The following STX8 variants were observed in gnomAD, a reference collection of about 807,000 sequenced individuals.
STX8 encodes syntaxin 8, also known as syntaxin-8.
STX8 carries 23 observed loss-of-function variants against 37.5 expected under a neutral mutation model. The observed-to-expected ratio is 0.61, with a 90% CI of 0.44 to 0.87. The LOEUF (loss-of-function observed/expected upper bound fraction) is 0.87. Ranked by LOEUF, STX8 falls within the 40% of genes least tolerant of loss-of-function variation. The pLI is 0.00. For missense variants in STX8, 313 were observed against 284.7 expected, an observed-to-expected ratio of 1.10 and a Z score of -0.71; for synonymous variants, 115 against 99.1, an observed-to-expected ratio of 1.16 and a Z score of -0.95.
At position 9,402,031 on chromosome 17, in the gene STX8, G is replaced by A. The variant is rs1044904155; in HGVS notation, c.542-23378C>T. 2.0e-5 allele frequency among the ~76,000 whole-genome samples: 3 copies of A among 152,226 alleles called. No individual in the cohort carries two copies. In the East Asian group the frequency reaches 5.8e-4, roughly 29 times the overall value. ...GGGATTTACAGGCAGGTCTCTTAGA[G>A]CCACAGTTGGCCCATGTATCTTTGA... On this transcript the variant is annotated intron_variant, in intron 6 of 7. Coordinates refer to ENST00000306357, the MANE Select transcript of STX8 (RefSeq NM_004853.3).
At chr17:9,405,419 TC>T (rs904144394) in intron 6 of STX8, among the ~76,000 whole-genome samples, 5 of 152,158 alleles carry the variant, frequency 3.3e-5, no homozygotes, top group Non-Finnish European at 7.4e-5. Context: ...GGTAAGGTAC[TC>T]CCTGACTTCA....
chr17:9,542,663 C>T (rs1466559355), intron 4 of STX8, among the ~76,000 whole-genome samples: 4 of 151,538 alleles, frequency 2.6e-5, no homozygotes, highest in African/African-American at 9.7e-5. Context: ...GGCGACAGAG[C>T]AAGACTCCAT....
At position 9,500,864 on chromosome 17, in the gene STX8, G is replaced by A. The variant is rs144931597; in HGVS notation, c.448+4174C>T. Among the ~76,000 whole-genome samples, 1,085 of 152,154 alleles carry A rather than the reference G, an allele frequency of 7.1e-3. 5 individuals carry two copies. The highest frequency in any genetic ancestry group is 0.011 in the Non-Finnish European group (765 of 67,990). On this transcript the variant is annotated intron_variant, in intron 5 of 7. Coordinates refer to ENST00000306357, the MANE Select transcript of STX8 (RefSeq NM_004853.3). ...TAAAAAAATACAAAAAATTAGCCGC[G>A]CGTGGTGGCGGGCACCTGTAGTCCC...
At chr17:9,431,802 G>A (rs1030201023) in intron 6 of STX8, among the ~76,000 whole-genome samples, 3 of 152,208 alleles carry the variant, frequency 2.0e-5, no homozygotes, top group African/African-American at 7.2e-5. Context: ...GTGCTGTACT[G>A]TCTCCAAATA....
intron 1 of STX8, among the ~76,000 whole-genome samples, chr17:9,574,162 T>C (rs965836664): frequency 3.3e-5 from 5 of 151,254 alleles, no homozygotes; most frequent in Non-Finnish European, 7.4e-5. Flanking sequence ...TCCCAGCTAC[T>C]CCAGAGGCTG....
intron 6 of STX8, among the ~76,000 whole-genome samples, chr17:9,392,538 T>C (rs985498495): frequency 6.6e-6 from 1 of 152,094 alleles, no homozygotes; most frequent in African/African-American, 2.4e-5. Flanking sequence ...GCCCAGGAGG[T>C]TGAGGCTGCA....
At chr17:9,511,689 G>C (rs1017222356) in intron 4 of STX8, among the ~76,000 whole-genome samples, 2 of 152,078 alleles carry the variant, frequency 1.3e-5, no homozygotes, top group African/African-American at 4.8e-5. Flanking sequence ...AGACAAGGAT[G>C]CCCACTCTCA....
At chr17:9,294,374 A>C (rs1025904159) in intron 7 of STX8, among the ~76,000 whole-genome samples, 11 of 152,252 alleles carry the variant, frequency 7.2e-5, no homozygotes, top group Non-Finnish European at 1.5e-4. Context: ...ATGGCTCAGG[A>C]AAGCTGGAAA....
intron 6 of STX8, among the ~76,000 whole-genome samples, chr17:9,465,506 G>C (rs896693817): frequency 2.0e-5 from 3 of 152,136 alleles, no homozygotes; most frequent in Non-Finnish European, 2.9e-5. Flanking sequence ...CTAATATCAG[G>C]GATGAATTGT....
chr17:9,282,593 A>G (rs1260167670), intron 7 of STX8, among the ~76,000 whole-genome samples: 3 of 152,242 alleles, frequency 2.0e-5, no homozygotes, highest in Non-Finnish European at 4.4e-5. Flanking sequence ...CTCTTTATGA[A>G]TGAAACGTTA....
intron 7 of STX8, among the ~76,000 whole-genome samples, chr17:9,345,114 G>C (rs996497912): frequency 2.6e-4 from 39 of 152,036 alleles, no homozygotes; most frequent in Middle Eastern, 3.4e-3. Flanking sequence ...AGGGACACCT[G>C]CCACTCCTGA....
At chr17:9,351,832 C>T (rs1440229306) in intron 7 of STX8, among the ~76,000 whole-genome samples, 1 of 152,130 alleles carries the variant, frequency 6.6e-6, no homozygotes, top group East Asian at 1.9e-4. Context: ...GGCATAAATA[C>T]AGTAGGTGAT....
Position 9,372,975 on chromosome 17 carries a change from A to G in STX8, c.643+5577T>C, listed in dbSNP as rs139013527. 3.2e-3 allele frequency among the ~76,000 whole-genome samples: 487 copies of G among 150,956 alleles called. 2 individuals are homozygous for G. The highest frequency in any genetic ancestry group is 0.011 in the African/African-American group (467 of 41,300). ...AAAAATTAGCCCAGCGTGGTGGTGC[A>G]TGCCTGTAATCCCAGCTACTCAGGA... On this transcript the variant is annotated intron_variant, in intron 7 of 7. Transcript: ENST00000306357.
chr17:9,442,263 C>T (rs1225276145), intron 6 of STX8, among the ~76,000 whole-genome samples: 1 of 152,184 alleles, frequency 6.6e-6, no homozygotes. Context: ...ACTTCTCTCC[C>T]TATCTTCTCA....
intron 6 of STX8, among the ~76,000 whole-genome samples, chr17:9,389,468 C>T (rs1030848017): frequency 1.2e-4 from 18 of 152,204 alleles, no homozygotes; most frequent in Admixed American, 3.3e-4. Flanking sequence ...TATCGAGTGA[C>T]ATTCCAGCAC....
At chr17:9,552,391 A>G (rs1001493547) in intron 3 of STX8, among the ~76,000 whole-genome samples, 4 of 152,166 alleles carry the variant, frequency 2.6e-5, no homozygotes, top group Admixed American at 2.6e-4. Flanking sequence ...TCTGCTACAC[A>G]AACACTATCT....
At chr17:9,371,572 A>T (rs1404032402) in intron 7 of STX8, among the ~76,000 whole-genome samples, 1 of 151,890 alleles carries the variant, frequency 6.6e-6, no homozygotes, top group African/African-American at 2.4e-5. Flanking sequence ...TTAAGATCAT[A>T]ATTTAACTGC....
chr17:9,344,799 A>G (rs996802352), intron 7 of STX8, among the ~76,000 whole-genome samples: 3 of 152,150 alleles, frequency 2.0e-5, no homozygotes, highest in South Asian at 2.1e-4. Context: ...AAGCGACTCT[A>G]AAAGGTGAAT....
chr17:9,284,014 C>T (rs2142155428), intron 7 of STX8, among the ~76,000 whole-genome samples: 1 of 152,314 alleles, frequency 6.6e-6, no homozygotes, highest in East Asian at 1.9e-4. Context: ...AACACCTGTA[C>T]ACAATCTTTC....
Sources: allele counts gnomAD v4.1 joint callset (sites outside exome capture counted in the v4.1 genomes callset), GRCh38; gene constraint gnomAD v4.1.1; transcripts MANE v1.5; gene names NCBI Gene and HGNC (gene_info 2026-07-23, HGNC 2026-07-21).